SCARB1: variants seen among roughly 807,000 people sequenced by gnomAD.
The protein encoded by SCARB1 is CD36 and LIMPII analogous 1.
Under a neutral mutation model 57.2 loss-of-function variants are expected in SCARB1, and 30 were observed. The observed-to-expected ratio is 0.52, with a 90% CI of 0.39 to 0.71. The LOEUF (loss-of-function observed/expected upper bound fraction) is 0.71. Ranked by LOEUF, SCARB1 falls within the 30% of genes least tolerant of loss-of-function variation. The pLI, the probability that SCARB1 is intolerant of heterozygous loss-of-function variation, is 0.00. For missense variants in SCARB1, 543 were observed against 671.2 expected, an observed-to-expected ratio of 0.81 and a Z score of 2.11; for synonymous variants, 249 against 268.3, an observed-to-expected ratio of 0.93 and a Z score of 0.70.
rs535680834 is a variant in SCARB1, at chr12:124,790,435, A to C, written c.1203-2978T>G. 1.7e-3 allele frequency among the ~76,000 whole-genome samples: 259 copies of C among 152,274 alleles called. 1 individual carries two copies. The highest frequency in any genetic ancestry group is 6.1e-3 in the African/African-American group (253 of 41,554). ...GGGCTAGGATTAAGGTCATGAGCTA[A>C]GGAAAGTAGGCAGCTTCTAGAAGCT... On this transcript the variant is annotated intron_variant, in intron 9 of 12. Transcript: ENST00000261693.
intron 1 of SCARB1, among the ~76,000 whole-genome samples, chr12:124,837,504 GGAGAAAA>G (rs1566231324): frequency 0.065 from 7,958 of 122,660 alleles, 508 homozygotes; most frequent in African/African-American, 0.11. Context: ...AGGAAGGAAG[GGAGAAAA>G]AAGAAAAGAA....
At position 124,800,251 on chromosome 12, in the gene SCARB1, G is replaced by C; in HGVS notation, c.1010-9C>G. On this transcript the variant is annotated splice_polypyrimidine_tract_variant and intron_variant, in intron 7 of 12. Transcript: ENST00000261693. The surrounding 1 kb of genome is among the most constrained non-coding windows in gnomAD (Gnocchi z 4.8). ...GAGAAACAAGGGGGCACCTAGAAGA[G>C]GGGCAGGGAGGGGACATCAGACAAG... 1.3e-6 allele frequency: 2 copies of C among 1,579,988 alleles called. No individual in the cohort carries two copies. Among genetic ancestry groups the C allele is most frequent in the Non-Finnish European group, 1.7e-6 (2 of 1,149,338 alleles).
rs1949935210 is a variant in SCARB1, at chr12:124,796,097, G to C, written c.1129-829C>G. On this transcript the variant is annotated intron_variant, in intron 8 of 12. Transcript: ENST00000261693. The surrounding 1 kb of genome is among the most constrained non-coding windows in gnomAD (Gnocchi z 4.0). Reference sequence around the variant, plus strand: ...GCCTCCCCAGTAGCTGGGACTACAGGTGTGCGCCAGCACACTCGGCTAATT... The same window carrying C: ...GCCTCCCCAGTAGCTGGGACTACAGCTGTGCGCCAGCACACTCGGCTAATT... Among the ~76,000 whole-genome samples the C allele has an allele frequency of 6.6e-6, 1 of 151,912 alleles. No individual in the cohort carries two copies. The highest frequency in any genetic ancestry group is 2.1e-4 in the South Asian group (1 of 4,794).
At chr12:124,780,519 G>A (rs1010149352) in intron 12 of SCARB1, among the ~76,000 whole-genome samples, 3 of 152,188 alleles carry the variant, frequency 2.0e-5, no homozygotes, top group East Asian at 1.9e-4. Flanking sequence ...GCCTGCAGGG[G>A]GACCACCAGC....
chr12:124,831,082 T>A (rs1403724472), intron 1 of SCARB1, among the ~76,000 whole-genome samples: 1 of 151,878 alleles, frequency 6.6e-6, no homozygotes, highest in Non-Finnish European at 1.5e-5. Context: ...TTCAAGCAAT[T>A]CTCCTGCCTC....
chr12:124,815,500 C>T (rs1950677446), intron 2 of SCARB1, among the ~76,000 whole-genome samples: 1 of 152,220 alleles, frequency 6.6e-6, no homozygotes, highest in African/African-American at 2.4e-5. Context: ...GCTGCTGTGA[C>T]TGTTGCTGCT....
chr12:124,785,873 C>T (rs1192543088), intron 11 of SCARB1: 1 of 592,378 alleles, frequency 1.7e-6, no homozygotes, highest in Non-Finnish European at 2.9e-6. Context: ...TTCTATTTGG[C>T]TCTAACCCCT....
At chr12:124,841,373 CAAA>C (rs147734175) in intron 1 of SCARB1, among the ~76,000 whole-genome samples, 10 of 87,078 alleles carry the variant, frequency 1.1e-4, no homozygotes, top group South Asian at 3.7e-4. Flanking sequence ...GACTCCGTCT[CAAA>C]AAAAAAAAAA....
At chr12:124,820,462 T>C (rs1594296638) in intron 1 of SCARB1, among the ~76,000 whole-genome samples, 1 of 151,600 alleles carries the variant, frequency 6.6e-6, no homozygotes, top group East Asian at 1.9e-4. Flanking sequence ...CCCCACCCCA[T>C]GGCGGCTCCC....
chr12:124,832,156 A>C (rs1249412817), intron 1 of SCARB1, among the ~76,000 whole-genome samples: 1 of 152,248 alleles, frequency 6.6e-6, no homozygotes, highest in African/African-American at 2.4e-5. Context: ...TTAAGATGTT[A>C]ATAGCAGGGG....
At chr12:124,794,785 C>T (rs938751531) in intron 9 of SCARB1, among the ~76,000 whole-genome samples, 1 of 152,082 alleles carries the variant, frequency 6.6e-6, no homozygotes, top group Non-Finnish European at 1.5e-5. Flanking sequence ...ACCAAATTAG[C>T]CGGGCGTGGT....
In SCARB1 at chr12:124,796,129, T is replaced by A. The variant is rs1241179617; in HGVS notation, c.1129-861A>T. On this transcript the variant is annotated intron_variant, in intron 8 of 12. Coordinates refer to ENST00000261693, the MANE Select transcript of SCARB1 (RefSeq NM_005505.5). This position sits in a 1 kb window ranked among gnomAD's most constrained non-coding sequence, Gnocchi z 4.0. ...CCAGCACACTCGGCTAATTTTTGTATTTTTAGTAAAGACAGGGTTTCACCA... is the reference window on the plus strand; with the variant it reads ...CCAGCACACTCGGCTAATTTTTGTAATTTTAGTAAAGACAGGGTTTCACCA... 6.6e-6 allele frequency among the ~76,000 whole-genome samples: 1 copy of A among 152,192 alleles called. No individual in the cohort carries two copies. The highest frequency in any genetic ancestry group is 1.5e-5 in the Non-Finnish European group (1 of 68,030).
rs1320651844 is a variant in SCARB1, at chr12:124,810,134, T to TACCCAGGAA, written c.842+31_842+39dup. 7.2e-7 allele frequency: 1 copy of TACCCAGGAA among 1,386,006 alleles called. No individual in the cohort carries two copies. Among genetic ancestry groups the TACCCAGGAA allele is most frequent in the East Asian group, 2.3e-5 (1 of 43,830 alleles). 85.9% of individuals were successfully genotyped at this position (1,386,006 alleles called of 1,614,324 possible). On this transcript the variant is annotated intron_variant, in intron 6 of 12. Coordinates refer to ENST00000261693, the MANE Select transcript of SCARB1 (RefSeq NM_005505.5). The surrounding 1 kb of genome is among the most constrained non-coding windows in gnomAD (Gnocchi z 4.0). Reference sequence around the variant, plus strand: ...AACACCACAGAATTTGGCCATGAGCTACCCAGGAAACCCAGGAGGCCCCGA... The same window carrying TACCCAGGAA: ...AACACCACAGAATTTGGCCATGAGCTACCCAGGAAACCCAGGAAACCCAGGAGGCCCCGA...
chr12:124,842,838 G>A (rs7306660), intron 1 of SCARB1, among the ~76,000 whole-genome samples: 57,121 of 152,102 alleles, frequency 0.38, 10,920 homozygotes, highest in Admixed American at 0.46. Flanking sequence ...CCCAGGGCTC[G>A]GATGAGGATG....
rs1949949850 is a variant in SCARB1, at chr12:124,796,534, GTTC to G, written c.1129-1269_1129-1267del. Among the ~76,000 whole-genome samples, 1 of 152,206 alleles carries G rather than the reference GTTC, an allele frequency of 6.6e-6. No individual in the cohort carries two copies. Among genetic ancestry groups the G allele is most frequent in the African/African-American group, 2.4e-5 (1 of 41,448 alleles). ...ATTTGAGGTCAGAGAACTGCAGTTG[GTTC>G]TTCTTAACTGAGAGTCGCGTCCTCA... On this transcript the variant is annotated intron_variant, in intron 8 of 12. Coordinates refer to ENST00000261693, the MANE Select transcript of SCARB1 (RefSeq NM_005505.5). This position sits in a 1 kb window ranked among gnomAD's most constrained non-coding sequence, Gnocchi z 4.0.
intron 10 of SCARB1, 42 bp from the exon 11 acceptor site, chr12:124,786,545 G>A (rs754642131): frequency 3.7e-6 from 6 of 1,611,160 alleles, no homozygotes; most frequent in Admixed American, 3.3e-5. Flanking sequence ...GGGGCCGCAG[G>A]CTGCGGGCTA....
chr12:124,851,874 C>T (rs1379477513), intron 1 of SCARB1, among the ~76,000 whole-genome samples: 2 of 151,990 alleles, frequency 1.3e-5, no homozygotes, highest in East Asian at 1.9e-4. Flanking sequence ...CCTAAAGTGC[C>T]GGGATTACAG....
chr12:124,841,898 GCTGCCGTGAGCAGGACCAGGTCTCT>G (rs1951924729), intron 1 of SCARB1, among the ~76,000 whole-genome samples: 1 of 152,176 alleles, frequency 6.6e-6, no homozygotes, highest in Admixed American at 6.5e-5. Context: ...CTAAAGCGTA[GCTGCCGTGAGCAGGACCAGGTCTCT>G]TTTGTCCACG....
At chr12:124,831,991 G>T (rs1951415206) in intron 1 of SCARB1, among the ~76,000 whole-genome samples, 1 of 152,202 alleles carries the variant, frequency 6.6e-6, no homozygotes, top group Non-Finnish European at 1.5e-5. Flanking sequence ...CTAAGGCAAC[G>T]TGAGGGACAA....
Sources: gnomAD v4.1 joint callset for allele counts (sites outside exome capture counted in the v4.1 genomes callset) on GRCh38, gnomAD v4.1.1 for gene constraint, Gnocchi (gnomAD v3.1) non-coding constraint, MANE v1.5 for transcripts, NCBI Gene and HGNC (gene_info 2026-07-23, HGNC 2026-07-21) for gene names.